CFAP299: variants seen among roughly 807,000 people sequenced by gnomAD.
CFAP299 encodes cilia and flagella associated protein 299.
Under a neutral mutation model 27.0 loss-of-function variants are expected in CFAP299, and 21 were observed. That is an observed-to-expected ratio of 0.78 (90% CI 0.55 to 1.12). The LOEUF is 1.12. Among genes scored for constraint, CFAP299 ranks in the 50% most tolerant of loss-of-function variants. The pLI is 0.00. For synonymous variants in CFAP299, 104 were observed against 98.1 expected (o/e 1.06, Z -0.36); for missense variants, 310 against 276.6 (o/e 1.12, Z -0.86).
chr4:80,652,973 T>C (rs1293565937), intron 3 of CFAP299, among the ~76,000 whole-genome samples: 1 of 152,172 alleles, frequency 6.6e-6, no homozygotes, highest in Admixed American at 6.6e-5. Context: ...AAGTTCATCT[T>C]TGAAAGCTGT....
At chr4:80,690,807 AAAG>A (rs1720620401) in intron 3 of CFAP299, among the ~76,000 whole-genome samples, 1 of 147,462 alleles carries the variant, frequency 6.8e-6, no homozygotes, top group Admixed American at 6.8e-5. Context: ...CAAGACTAAT[AAAG>A]AAGAAAAGAG....
chr4:80,350,581 C>T (rs1722966314), intron 1 of CFAP299, among the ~76,000 whole-genome samples: 1 of 152,164 alleles, frequency 6.6e-6, no homozygotes, highest in Admixed American at 6.5e-5. Context: ...AGCACATATA[C>T]ACCATGGAAT....
intron 2 of CFAP299, among the ~76,000 whole-genome samples, chr4:80,482,123 G>T (rs955427246): frequency 2.6e-5 from 4 of 151,706 alleles, no homozygotes; most frequent in African/African-American, 9.7e-5. Flanking sequence ...AATTCTATCT[G>T]GGAATATAGA....
intron 3 of CFAP299, among the ~76,000 whole-genome samples, chr4:80,791,869 T>C (rs1034966923): frequency 6.6e-6 from 1 of 151,830 alleles, no homozygotes; most frequent in Non-Finnish European, 1.5e-5. Context: ...TATATATCTG[T>C]ATGTTTGAAA....
chr4:80,899,289 A>G (rs1015436779), intron 4 of CFAP299, among the ~76,000 whole-genome samples: 1 of 152,228 alleles, frequency 6.6e-6, no homozygotes, highest in African/African-American at 2.4e-5. Flanking sequence ...GTAGCTAGAT[A>G]TGAGAGGTCT....
chr4:80,721,635 T>C (rs1386912755), intron 3 of CFAP299, among the ~76,000 whole-genome samples: 2 of 152,186 alleles, frequency 1.3e-5, no homozygotes, highest in African/African-American at 2.4e-5. Flanking sequence ...TGGGGGGAAC[T>C]CAATTCAGCC....
intron 4 of CFAP299, among the ~76,000 whole-genome samples, chr4:80,936,450 T>C (rs1736895528): frequency 1.3e-5 from 2 of 152,118 alleles, no homozygotes; most frequent in Non-Finnish European, 2.9e-5. Context: ...CATGGAACAC[T>C]ATGCAGCCAT....
intron 3 of CFAP299, among the ~76,000 whole-genome samples, chr4:80,682,110 G>C (rs1422862944): frequency 6.6e-6 from 1 of 152,160 alleles, no homozygotes; most frequent in Non-Finnish European, 1.5e-5. Flanking sequence ...AGTGTTTTCA[G>C]ATTTATTCTG....
chr4:80,707,356 G>T (rs1010521693), intron 3 of CFAP299, among the ~76,000 whole-genome samples: 14 of 151,926 alleles, frequency 9.2e-5, no homozygotes, highest in African/African-American at 3.1e-4. Flanking sequence ...TCAAATTTCA[G>T]TGTCCATAAA....
chr4:80,597,704 T>A (rs990819553), intron 3 of CFAP299, among the ~76,000 whole-genome samples: 2 of 152,082 alleles, frequency 1.3e-5, no homozygotes, highest in African/African-American at 4.8e-5. Flanking sequence ...CTTTTTTTTT[T>A]AAAGATGGAG....
chr4:80,768,219 A>C (rs1337604852), intron 3 of CFAP299, among the ~76,000 whole-genome samples: 2 of 152,212 alleles, frequency 1.3e-5, no homozygotes, highest in African/African-American at 4.8e-5. Context: ...TGCAAAGCAC[A>C]TAGGATTTCA....
Position 80,523,275 on chromosome 4 carries a change from C to T in CFAP299, c.243-59818C>T, listed in dbSNP as rs376115798. Among the ~76,000 whole-genome samples, 20 of 152,008 alleles carry T rather than the reference C, an allele frequency of 1.3e-4. No individual in the cohort carries two copies. In the East Asian group the frequency reaches 1.9e-3, roughly 15 times the overall value. Reference sequence around the variant, plus strand: ...AAATGGGACTGTTTTCTTGGTTTCCCTTTTGGATTGTTTGTTGCTGCTGTA... The same window carrying T: ...AAATGGGACTGTTTTCTTGGTTTCCTTTTTGGATTGTTTGTTGCTGCTGTA... On this transcript the variant is annotated intron_variant, in intron 2 of 5. Coordinates refer to ENST00000358105, the MANE Select transcript of CFAP299 (RefSeq NM_152770.3).
chr4:80,693,271 A>G (rs1720857546), intron 3 of CFAP299, among the ~76,000 whole-genome samples: 1 of 152,106 alleles, frequency 6.6e-6, no homozygotes, highest in South Asian at 2.1e-4. Flanking sequence ...GGCATTATTC[A>G]CAATAGCAAA....
At chr4:80,497,838 A>G (rs1438537260) in intron 2 of CFAP299, among the ~76,000 whole-genome samples, 1 of 152,198 alleles carries the variant, frequency 6.6e-6, no homozygotes, top group Non-Finnish European at 1.5e-5. Context: ...CAGAAGCATC[A>G]TACTACCCAA....
chr4:80,955,017 A>T (rs866408145), intron 5 of CFAP299, among the ~76,000 whole-genome samples: 2 of 134,334 alleles, frequency 1.5e-5, no homozygotes, highest in Non-Finnish European at 3.2e-5. Context: ...AAAAAAAAAA[A>T]AAAAAAAAAA....
At chr4:80,822,779 A>G (rs1254063943) in intron 3 of CFAP299, among the ~76,000 whole-genome samples, 4 of 152,224 alleles carry the variant, frequency 2.6e-5, no homozygotes, top group African/African-American at 9.6e-5. Flanking sequence ...ATTCTAGGAA[A>G]TTGTGCAGCC....
At chr4:80,708,645 A>T (rs527266277) in intron 3 of CFAP299, among the ~76,000 whole-genome samples, 7 of 152,240 alleles carry the variant, frequency 4.6e-5, no homozygotes, top group Admixed American at 2.6e-4. Flanking sequence ...GTACATATGC[A>T]TCTCTTCAAA....
chr4:80,900,123 A>AGAGTGTGT (rs1553904499), intron 4 of CFAP299, among the ~76,000 whole-genome samples: 116 of 139,896 alleles, frequency 8.3e-4, no homozygotes, highest in African/African-American at 2.8e-3. Context: ...AGTGGAAGAA[A>AGAGTGTGT]GTGTGTGTGT....
chr4:80,904,051 A>G (rs1161343094), intron 4 of CFAP299, among the ~76,000 whole-genome samples: 1 of 152,160 alleles, frequency 6.6e-6, no homozygotes, highest in African/African-American at 2.4e-5. Context: ...TAGACCCTAT[A>G]TAGAGCAGTA....
Sources: gnomAD v4.1 joint callset for allele counts (sites outside exome capture counted in the v4.1 genomes callset) on GRCh38, gnomAD v4.1.1 for gene constraint, MANE v1.5 for transcripts, NCBI Gene and HGNC (gene_info 2026-07-23, HGNC 2026-07-21) for gene names.